BID: variants seen among roughly 807,000 people sequenced by gnomAD.
BID encodes the protein BH3-interacting domain death agonist.
Under a neutral mutation model 17.4 loss-of-function variants are expected in BID, and 19 were observed. That is an observed-to-expected ratio of 1.09 (90% CI 0.76 to 1.60). BID has a LOEUF of 1.60. Ranked by LOEUF, BID falls within the 40% of genes most tolerant of loss-of-function variation. The probability of loss-of-function intolerance (pLI) is 0.00; values close to 1 mark genes in which losing one functional copy is unlikely to be tolerated. For missense variants in BID, 226 were observed against 256.0 expected, an observed-to-expected ratio of 0.88 and a Z score of 0.80; for synonymous variants, 108 against 102.8, an observed-to-expected ratio of 1.05 and a Z score of -0.31.
At chr22:17,757,536 G>A (rs1001689808) in intron 1 of BID, among the ~76,000 whole-genome samples, 10 of 151,222 alleles carry the variant, frequency 6.6e-5, no homozygotes, top group Admixed American at 6.6e-4. Flanking sequence ...GTGAAACCCC[G>A]TCTCTACTAA....
At position 17,769,515 on chromosome 22, in the gene BID, G is replaced by A. The variant is rs1350036458; in HGVS notation, c.-59+4866C>T. Among the ~76,000 whole-genome samples the A allele has an allele frequency of 2.6e-5, 4 of 152,348 alleles. No homozygotes were observed. In the East Asian group the frequency reaches 5.8e-4, roughly 22 times the overall value. ...CAGGAACGGACGTGGCCATCAGGCC[G>A]GAAGGGTGTGTGGGCCACAGAGAAG... On this transcript the variant is annotated intron_variant, in intron 1 of 5. Coordinates refer to ENST00000622694, the MANE Select transcript of BID (RefSeq NM_001196.4). The surrounding 1 kb of genome is among the most constrained non-coding windows in gnomAD (Gnocchi z 4.8).
At chr22:17,744,335 C>T (rs1446968294) in intron 2 of BID, among the ~76,000 whole-genome samples, 2 of 152,202 alleles carry the variant, frequency 1.3e-5, no homozygotes, top group East Asian at 1.9e-4. Context: ...CAGGCTGTTC[C>T]GGGGAGGCGA....
At chr22:17,740,516 G>A (rs2061452041) in intron 3 of BID, 1 of 227,966 alleles carries the variant, frequency 4.4e-6, no homozygotes, top group Non-Finnish European at 8.9e-6. Flanking sequence ...TGCAACCTTC[G>A]CCTCCTGGGT....
At position 17,769,909 on chromosome 22, in the gene BID, C is replaced by T. The variant is rs1601884691; in HGVS notation, c.-59+4472G>A. Among the ~76,000 whole-genome samples the T allele has an allele frequency of 6.6e-6, 1 of 152,124 alleles. No homozygotes were observed. The highest frequency in any genetic ancestry group is 1.5e-5 in the Non-Finnish European group (1 of 68,010). ...CCAGGCTTGGGGGTGTGCACTTGCC[C>T]GCTGGCCTCCGGTGCCCTCAGGCCT... On this transcript the variant is annotated intron_variant, in intron 1 of 5. Coordinates refer to ENST00000622694, the MANE Select transcript of BID (RefSeq NM_001196.4). This position sits in a 1 kb window ranked among gnomAD's most constrained non-coding sequence, Gnocchi z 4.8.
intron 5 of BID, among the ~76,000 whole-genome samples, 178 bp from the exon 6 acceptor site, chr22:17,735,769 G>A (rs1253114144): frequency 1.3e-5 from 2 of 152,204 alleles, no homozygotes; most frequent in African/African-American, 4.8e-5. Context: ...GCAAAAACAG[G>A]CCGTTCAGGC....
intron 5 of BID, among the ~76,000 whole-genome samples, chr22:17,736,006 CTGATT>C (rs2061416821): frequency 6.6e-6 from 1 of 152,158 alleles, no homozygotes; most frequent in African/African-American, 2.4e-5. Flanking sequence ...GGTTTAATGC[CTGATT>C]TAAGATTTAT....
chr22:17,761,916 A>G (rs1280962914), intron 1 of BID, among the ~76,000 whole-genome samples: 1 of 152,160 alleles, frequency 6.6e-6, no homozygotes, highest in Non-Finnish European at 1.5e-5. Flanking sequence ...CATTTTTACC[A>G]TATTCTGGAA....
intron 1 of BID, among the ~76,000 whole-genome samples, chr22:17,755,671 C>A (rs1447529547): frequency 1.3e-5 from 2 of 151,596 alleles, no homozygotes; most frequent in African/African-American, 4.8e-5. Context: ...TGTGGTGGCG[C>A]GTACCTGTAA....
intron 3 of BID, 131 bp downstream of exon 3, chr22:17,743,672 C>T: frequency 2.3e-6 from 2 of 883,782 alleles, no homozygotes; most frequent in South Asian, 1.7e-5. Flanking sequence ...TAAGTGATAC[C>T]AGCGTACGTG....
intron 2 of BID, among the ~76,000 whole-genome samples, chr22:17,748,872 G>A (rs1254420516): frequency 1.3e-5 from 2 of 152,252 alleles, no homozygotes; most frequent in Non-Finnish European, 2.9e-5. Flanking sequence ...CACCCAGAGT[G>A]GTCTTTTGGA....
intron 1 of BID, among the ~76,000 whole-genome samples, chr22:17,754,540 A>C (rs1319634213): frequency 6.6e-6 from 1 of 152,262 alleles, no homozygotes; most frequent in Non-Finnish European, 1.5e-5. Context: ...CTGGAAGCCA[A>C]ATGTCCTGGA....
chr22:17,734,542 TA>T lies in BID; in HGVS notation c.*1037del, dbSNP rs1330018325. ...CTGTTTCTAAAGCTAAGCTTTTCCT[TA>T]TTTATTTTGGTACTACCTAAGTGAC... On this transcript the variant is annotated 3_prime_UTR_variant, in exon 6 of 6. Coordinates refer to ENST00000622694, the MANE Select transcript of BID (RefSeq NM_001196.4). 6.6e-6 allele frequency: 1 copy of T among 152,174 alleles called. No homozygotes were observed. Among genetic ancestry groups the T allele is most frequent in the Non-Finnish European group, 1.5e-5 (1 of 68,018 alleles). The allele number at this position is 152,174 out of a possible 1,614,324, so 9.4% of individuals were successfully genotyped here. A position where few individuals can be genotyped will look rare whatever the true frequency, so the allele number is the denominator to read the frequency against.
upstream of BID, chr22:17,774,566 C>A (rs1170358923): frequency 6.7e-6 from 1 of 149,948 alleles, no homozygotes; most frequent in Non-Finnish European, 1.5e-5. Context: ...ACCCGGGGAG[C>A]CCGCGCCGGC....
At chr22:17,757,402 CAA>C (rs34545330) in intron 1 of BID, among the ~76,000 whole-genome samples, 7,453 of 60,700 alleles carry the variant, frequency 0.12, 217 homozygotes, top group Middle Eastern at 0.16. Flanking sequence ...GACCCTGTCC[CAA>C]AAAAAAAAAA....
rs1159588363 is a variant in BID at position 17,734,661 on chromosome 22, C to T, written c.*919G>A. 6.6e-6 allele frequency: 1 copy of T among 152,224 alleles called. No individual in the cohort carries two copies. The highest frequency in any genetic ancestry group is 1.5e-5 in the Non-Finnish European group (1 of 68,046). 9.4% of individuals were successfully genotyped at this position (152,224 alleles called of 1,614,324 possible). On this transcript the variant is annotated 3_prime_UTR_variant, in exon 6 of 6. Coordinates refer to ENST00000622694, the MANE Select transcript of BID (RefSeq NM_001196.4). Reference sequence around the variant, plus strand: ...CATCTTTTATGCTTAGAAACCTGTTCTCTCCAGATGCACTTCTGAGGCATG... The same window carrying T: ...CATCTTTTATGCTTAGAAACCTGTTTTCTCCAGATGCACTTCTGAGGCATG...
chr22:17,770,738 G>A (rs755418306), intron 1 of BID, among the ~76,000 whole-genome samples: 5 of 152,368 alleles, frequency 3.3e-5, no homozygotes, highest in Admixed American at 1.3e-4. Context: ...ACCAGGCCAC[G>A]GCACACTTTC....
At chr22:17,755,929 A>C (rs955273163) in intron 1 of BID, among the ~76,000 whole-genome samples, 11 of 152,108 alleles carry the variant, frequency 7.2e-5, no homozygotes, top group Admixed American at 6.6e-4. Flanking sequence ...GTACAATGGC[A>C]CGATCTCGGC....
intron 1 of BID, among the ~76,000 whole-genome samples, chr22:17,756,462 TC>T (rs1294323911): frequency 5.0e-5 from 6 of 120,466 alleles, no homozygotes; most frequent in South Asian, 2.4e-4. Flanking sequence ...TTTCTTTCTT[TC>T]TTTCTTTCTT....
At chr22:17,758,356 T>C (rs2061609710) in intron 1 of BID, among the ~76,000 whole-genome samples, 1 of 152,230 alleles carries the variant, frequency 6.6e-6, no homozygotes, top group African/African-American at 2.4e-5. Context: ...CACTAGGAAC[T>C]TATCCAGTTA....
Sources: gnomAD v4.1 joint callset for allele counts (sites outside exome capture counted in the v4.1 genomes callset) on GRCh38, gnomAD v4.1.1 for gene constraint, Gnocchi (gnomAD v3.1) non-coding constraint, MANE v1.5 for transcripts, NCBI Gene and HGNC (gene_info 2026-07-23, HGNC 2026-07-21) for gene names.